The following C10orf53 variants were observed in gnomAD, a reference collection of about 807,000 sequenced individuals.
C10orf53 encodes the protein UPF0728 protein C10orf53.
A neutral mutation model predicts 9.4 loss-of-function variants in C10orf53; 8 were observed. The ratio of observed to expected loss-of-function variants is 0.85; its 90% CI spans 0.50 to 1.53. The LOEUF (loss-of-function observed/expected upper bound fraction) is 1.53. Among genes scored for constraint, C10orf53 ranks in the 40% most tolerant of loss-of-function variants. C10orf53 has a pLI of 0.00. For synonymous variants in C10orf53, 48 were observed against 46.0 expected (o/e 1.04, Z -0.18); for missense variants, 117 against 117.8 (o/e 0.99, Z 0.03).
chr10:49,682,331 C>T (rs986192824), intron 1 of C10orf53, among the ~76,000 whole-genome samples: 8 of 152,034 alleles, frequency 5.3e-5, no homozygotes, highest in Non-Finnish European at 1.0e-4. Flanking sequence ...CCAGGGACCT[C>T]GCGGTGAGTG....
chr10:49,685,896 C>T (rs1840523806), intron 1 of C10orf53, among the ~76,000 whole-genome samples: 1 of 152,116 alleles, frequency 6.6e-6, no homozygotes, highest in Non-Finnish European at 1.5e-5. Flanking sequence ...AGTTTTCAGC[C>T]ATTATTTCTT....
chr10:49,693,666 T>C (rs1393977445), intron 1 of C10orf53, 108 bp from the exon 2 acceptor site: 34 of 1,366,568 alleles, frequency 2.5e-5, no homozygotes, highest in Non-Finnish European at 3.1e-5. Flanking sequence ...GTGATACCCA[T>C]GAGCAACTAG....
chr10:49,706,833 T>C (rs1011443935), intron 2 of C10orf53, among the ~76,000 whole-genome samples: 2 of 152,256 alleles, frequency 1.3e-5, no homozygotes, highest in African/African-American at 2.4e-5. Flanking sequence ...TTGTATGTAC[T>C]GGTTTTGCAA....
At chr10:49,709,284 C>T (rs941877534) in exon 3 of C10orf53, 1 of 152,314 alleles carries the variant, frequency 6.6e-6, no homozygotes, top group Non-Finnish European at 1.5e-5. Context: ...TGTTCTGTGG[C>T]TCTGGCAGCG....
At chr10:49,700,039 A>C (rs1453922513), downstream of C10orf53, among the ~76,000 whole-genome samples, 1 of 152,212 alleles carries the variant, frequency 6.6e-6, no homozygotes. Flanking sequence ...GCTGAGACCC[A>C]GCAGACTCAA....
At chr10:49,699,474 CA>C (rs1164597614), downstream of C10orf53, among the ~76,000 whole-genome samples, 6 of 152,048 alleles carry the variant, frequency 3.9e-5, no homozygotes, top group East Asian at 1.2e-3. Flanking sequence ...GGATTACAGG[CA>C]CAAGCCACCA....
chr10:49,701,496 A>G (rs1393593307), downstream of C10orf53, among the ~76,000 whole-genome samples: 1 of 152,088 alleles, frequency 6.6e-6, no homozygotes, highest in Non-Finnish European at 1.5e-5. Context: ...GTCATTTTTC[A>G]TACGTTTTAA....
Position 49,702,585 on chromosome 10 carries a change from C to T in C10orf53, c.218-5776C>T, listed in dbSNP as rs910320948. Among the ~76,000 whole-genome samples the T allele has an allele frequency of 7.9e-5, 12 of 152,220 alleles. 1 individual carries two copies. Among genetic ancestry groups the T allele is most frequent in the Admixed American group, 7.2e-4 (11 of 15,278 alleles). On this transcript the variant is annotated intron_variant, in intron 2 of 2. Transcript: ENST00000374112. ...TGAACTGGGACTTACACCACTGGCT[C>T]TCCTGTTTCTCAGGTCTTCATATTT...
intron 2 of C10orf53, 49 bp from the exon 3 acceptor site, chr10:49,694,489 C>G (rs1840615221): frequency 6.2e-7 from 1 of 1,610,632 alleles, no homozygotes; most frequent in African/African-American, 1.3e-5. Flanking sequence ...GATATGATAA[C>G]AAATTGTATA....
At chr10:49,708,352 T>C (rs1840736952) in intron 2 of C10orf53, 3 of 1,612,968 alleles carry the variant, frequency 1.9e-6, no homozygotes, top group African/African-American at 1.3e-5. Flanking sequence ...CTGTTGTCTT[T>C]GTTCTCAGGC....
At chr10:49,710,011 G>A (rs1840754704) in exon 3 of C10orf53, 2 of 139,494 alleles carry the variant, frequency 1.4e-5, no homozygotes, top group South Asian at 2.3e-4. Context: ...CTGTGTGTGT[G>A]TGTCTGTGTG....
chr10:49,685,839 T>A (rs11101209), intron 1 of C10orf53, among the ~76,000 whole-genome samples: 23,035 of 152,190 alleles, frequency 0.15, 2,199 homozygotes, highest in African/African-American at 0.25. Flanking sequence ...TTGGAGTTGG[T>A]TGAGCTTCTT....
intron 2 of C10orf53, 133 bp from the exon 3 acceptor site, chr10:49,694,405 T>A: frequency 8.0e-7 from 1 of 1,254,114 alleles, no homozygotes; most frequent in Non-Finnish European, 1.1e-6. Context: ...TAACACTCTA[T>A]TAAAAACTAG....
rs1224305468 is a variant in C10orf53, at chr10:49,679,776, C to T, written c.79C>T (p.Arg27Cys). 1.5e-5 allele frequency: 23 copies of T among 1,542,634 alleles called. No individual in the cohort carries two copies. The highest frequency in any genetic ancestry group is 1.6e-5 in the Non-Finnish European group (18 of 1,144,356). The change falls in exon 1 of 3, where the codon CGC (arginine) becomes TGC (cysteine). Residue 27 changes from arginine to cysteine, a missense_variant. Coordinates refer to ENST00000374111, the MANE Select transcript of C10orf53 (RefSeq NM_001042427.3). ...AGLPVEHHTF[R>C]LQGLQAVLAI... ...CCTACCGGTGGAGCACCACACCTTC[C>T]GCCTGCAGGGCCTGCAAGGTGGGCC...
chr10:49,708,527 T>C, exon 3 of C10orf53: 1 of 1,614,182 alleles, frequency 6.2e-7, no homozygotes, highest in Non-Finnish European at 8.5e-7. Context: ...CATGTATCCA[T>C]TTCCAAACCA....
chr10:49,708,033 G>A (rs1840734842), intron 2 of C10orf53, among the ~76,000 whole-genome samples: 1 of 152,012 alleles, frequency 6.6e-6, no homozygotes, highest in Non-Finnish European at 1.5e-5. Flanking sequence ...CCAAGTACTG[G>A]CCCATCTCCT....
At chr10:49,689,747 C>T (rs1373486973) in intron 1 of C10orf53, among the ~76,000 whole-genome samples, 1 of 152,086 alleles carries the variant, frequency 6.6e-6, no homozygotes, top group Admixed American at 6.5e-5. Context: ...GGGAACAAAG[C>T]ATTGTCCTGA....
At chr10:49,687,447 A>G (rs1590640456) in intron 1 of C10orf53, among the ~76,000 whole-genome samples, 1 of 152,202 alleles carries the variant, frequency 6.6e-6, no homozygotes, top group East Asian at 1.9e-4. Flanking sequence ...GGGAGATGGC[A>G]TGAGCAGAGG....
At chr10:49,697,908 T>A (rs1840649818), downstream of C10orf53, among the ~76,000 whole-genome samples, 1 of 152,144 alleles carries the variant, frequency 6.6e-6, no homozygotes, top group South Asian at 2.1e-4. Flanking sequence ...TTCTAAAATT[T>A]AAAAAGAATA....
Sources: gnomAD v4.1 joint callset for allele counts (sites outside exome capture counted in the v4.1 genomes callset) on GRCh38, gnomAD v4.1.1 for gene constraint, MANE v1.5 for transcripts, NCBI Gene and HGNC (gene_info 2026-07-23, HGNC 2026-07-21) for gene names.